The following GAP43 variants were observed in gnomAD, a reference collection of about 807,000 sequenced individuals.
GAP43 encodes the protein neuromodulin.
Under a neutral mutation model 18.6 loss-of-function variants are expected in GAP43, and 6 were observed. That is an observed-to-expected ratio of 0.32 (90% confidence interval 0.18 to 0.64). The LOEUF (loss-of-function observed/expected upper bound fraction) is 0.64. Ranked by LOEUF, GAP43 falls within the 30% of genes least tolerant of loss-of-function variation. The pLI is 0.78. For missense variants in GAP43, 292 were observed against 295.5 expected, an observed-to-expected ratio of 0.99 and a Z score of 0.09; for synonymous variants, 115 against 111.4, an observed-to-expected ratio of 1.03 and a Z score of -0.20.
chr3:115,710,894 AC>A (rs1709428811), intron 2 of GAP43, among the ~76,000 whole-genome samples: 2 of 152,164 alleles, frequency 1.3e-5, no homozygotes, highest in Non-Finnish European at 2.9e-5. Flanking sequence ...ATGAAACCAA[AC>A]TATCAGCTTC....
At chr3:115,704,594 A>C (rs961229648) in intron 2 of GAP43, among the ~76,000 whole-genome samples, 1 of 152,094 alleles carries the variant, frequency 6.6e-6, no homozygotes, top group Non-Finnish European at 1.5e-5. Flanking sequence ...TTAAAGCAAA[A>C]TTATATTGAA....
At chr3:115,704,994 T>C (rs188614611) in intron 2 of GAP43, among the ~76,000 whole-genome samples, 129 of 152,318 alleles carry the variant, frequency 8.5e-4, no homozygotes, top group African/African-American at 2.8e-3. Flanking sequence ...GCCATTTGCT[T>C]TGATAAAATT....
In GAP43 at chr3:115,721,047, T is replaced by TAAA. The variant is rs571863678; in HGVS notation, c.*180_*182dup. On this transcript the variant is annotated 3_prime_UTR_variant, in exon 3 of 3. Transcript: ENST00000305124. ...TCTTTCTCTCTGTGTGGCAAACATT[T>TAAA]AAAAAAAAAAAAAAAAAGCAGGAAA... is the stretch of plus-strand genomic sequence containing the variant. 4.3e-5 allele frequency: 10 copies of TAAA among 233,834 alleles called. No individual in the cohort carries two copies. The highest frequency in any genetic ancestry group is 3.3e-4 in the South Asian group (2 of 5,996). 14.5% of individuals were successfully genotyped at this position (233,834 alleles called of 1,614,324 possible).
intron 2 of GAP43, among the ~76,000 whole-genome samples, chr3:115,718,504 A>C (rs1490523922): frequency 6.6e-6 from 1 of 152,220 alleles, no homozygotes; most frequent in Non-Finnish European, 1.5e-5. Flanking sequence ...ATCAGAATTG[A>C]GTTAGTTTCA....
chr3:115,694,524 C>T (rs1448031222), intron 2 of GAP43, among the ~76,000 whole-genome samples: 1 of 152,132 alleles, frequency 6.6e-6, no homozygotes, highest in Admixed American at 6.5e-5. Flanking sequence ...TTATCTTGTG[C>T]CAGGCTTTCT....
chr3:115,633,406 G>C (rs1708288340), intron 1 of GAP43, among the ~76,000 whole-genome samples: 2 of 152,126 alleles, frequency 1.3e-5, no homozygotes, highest in African/African-American at 2.4e-5. Flanking sequence ...TAGTGAGAGG[G>C]TAAGTTGGTT....
At chr3:115,701,832 G>A (rs1399926033) in intron 2 of GAP43, among the ~76,000 whole-genome samples, 1 of 152,042 alleles carries the variant, frequency 6.6e-6, no homozygotes, top group Non-Finnish European at 1.5e-5. Flanking sequence ...CTGGTTCCAT[G>A]CCCAAATTGT....
At chr3:115,647,633 AG>A (rs1465718259) in intron 1 of GAP43, among the ~76,000 whole-genome samples, 1 of 151,780 alleles carries the variant, frequency 6.6e-6, no homozygotes, top group Non-Finnish European at 1.5e-5. Flanking sequence ...TGGAGCCTTG[AG>A]GGGACGATCC....
chr3:115,628,768 CA>C (rs752499963), intron 1 of GAP43, among the ~76,000 whole-genome samples: 1 of 152,192 alleles, frequency 6.6e-6, no homozygotes, highest in Non-Finnish European at 1.5e-5. Context: ...TCATAATCTT[CA>C]TTCATTCCAC....
rs546592166 is a variant in GAP43 at position 115,685,516 on chromosome 3, C to A, written c.628+8906C>A. ...CAGTGTTGGGACACAGACCAGTAAA[C>A]AGGCTTTCCCATTCCTTAATGCAAA... On this transcript the variant is annotated intron_variant, in intron 2 of 2. Transcript: ENST00000305124. Among the ~76,000 whole-genome samples, 24 of 152,326 alleles carry A rather than the reference C, an allele frequency of 1.6e-4. No homozygotes were observed. The South Asian group carries it at 5.0e-3, about 32-fold the overall frequency.
intron 2 of GAP43, among the ~76,000 whole-genome samples, chr3:115,684,431 T>A (rs182396995): frequency 6.6e-5 from 10 of 152,292 alleles, no homozygotes; most frequent in East Asian, 5.8e-4. Flanking sequence ...AATTTAGATA[T>A]GTTTAAGCAC....
chr3:115,643,918 A>C (rs906499008), intron 1 of GAP43, among the ~76,000 whole-genome samples: 4 of 152,074 alleles, frequency 2.6e-5, no homozygotes, highest in African/African-American at 9.7e-5. Context: ...ATATGAATGC[A>C]CTTAAATTAT....
intron 1 of GAP43, among the ~76,000 whole-genome samples, chr3:115,654,962 T>A (rs1287508489): frequency 6.6e-6 from 1 of 152,172 alleles, no homozygotes; most frequent in African/African-American, 2.4e-5. Context: ...CAGAGACACC[T>A]AGGAAATGAT....
rs1464856814 is a variant in GAP43, at chr3:115,700,161, CCAA to C, written c.629-20630_629-20628del. ...TTAATATAAACAACTTTGCAGAACA[CCAA>C]CATCAGACAAGGGCACTTTGTGTGA... On this transcript the variant is annotated intron_variant, in intron 2 of 2. Transcript: ENST00000305124. Among the ~76,000 whole-genome samples, 5 of 152,294 alleles carry C rather than the reference CCAA, an allele frequency of 3.3e-5. No homozygotes were observed. In the East Asian group the frequency reaches 9.7e-4, roughly 29 times the overall value.
chr3:115,700,863 G>T lies in GAP43; in HGVS notation c.629-19931G>T, dbSNP rs79149455. Among the ~76,000 whole-genome samples the T allele has an allele frequency of 5.3e-5, 8 of 152,198 alleles. No homozygotes were observed. In the East Asian group the frequency reaches 1.4e-3, roughly 26 times the overall value. ...ACACAGGATGCCTCAGGGCACAGAT[G>T]AGTTTATAATTATCTTTACTACTCA... On this transcript the variant is annotated intron_variant, in intron 2 of 2. Transcript: ENST00000305124.
chr3:115,717,014 C>G (rs148309471), intron 2 of GAP43, among the ~76,000 whole-genome samples: 2 of 151,936 alleles, frequency 1.3e-5, no homozygotes, highest in East Asian at 1.9e-4. Flanking sequence ...AAAAACTGAA[C>G]AAATAGACCT....
intron 1 of GAP43, among the ~76,000 whole-genome samples, chr3:115,651,657 G>A (rs1180972175): frequency 6.6e-6 from 1 of 152,120 alleles, no homozygotes; most frequent in Non-Finnish European, 1.5e-5. Flanking sequence ...CACCTCAAAA[G>A]CATATAGTAA....
intron 1 of GAP43, among the ~76,000 whole-genome samples, chr3:115,675,431 G>A (rs939462224): frequency 6.6e-6 from 1 of 152,098 alleles, no homozygotes; most frequent in African/African-American, 2.4e-5. Flanking sequence ...AGTTTGACAT[G>A]GAGCAACATT....
chr3:115,713,798 G>C (rs1224617993), intron 2 of GAP43, among the ~76,000 whole-genome samples: 1 of 152,196 alleles, frequency 6.6e-6, no homozygotes, highest in East Asian at 1.9e-4. Flanking sequence ...AGATAACTTA[G>C]ATCTTTATTG....
Sources: gnomAD v4.1 joint callset for allele counts (sites outside exome capture counted in the v4.1 genomes callset) on GRCh38, gnomAD v4.1.1 for gene constraint, MANE v1.5 for transcripts, NCBI Gene and HGNC (gene_info 2026-07-23, HGNC 2026-07-21) for gene names.